The following SEMA6D variants were observed in gnomAD, a reference collection of about 807,000 sequenced individuals.
SEMA6D encodes the protein semaphorin-6D.
In SEMA6D, 35 loss-of-function variants were observed where a neutral mutation model predicts 106.6. The observed-to-expected ratio is 0.33, with a 90% CI of 0.25 to 0.44. The LOEUF (loss-of-function observed/expected upper bound fraction) is 0.44, where lower values mean the gene tolerates loss of function less well. SEMA6D is among the 20% of genes least tolerant of loss of function. The pLI is 1.00. For missense variants in SEMA6D, 1,185 were observed against 1,345.9 expected (o/e 0.88, Z 1.87); for synonymous variants, 499 against 487.7 (o/e 1.02, Z -0.31).
intron 1 of SEMA6D, among the ~76,000 whole-genome samples, chr15:47,376,521 AG>A (rs1384295018): frequency 3.9e-5 from 6 of 152,250 alleles, no homozygotes; most frequent in African/African-American, 1.4e-4. Flanking sequence ...TCAGCTTTCT[AG>A]CCGAGCACTA....
At chr15:47,659,993 TC>T (rs1311291615) in intron 4 of SEMA6D, among the ~76,000 whole-genome samples, 1 of 152,064 alleles carries the variant, frequency 6.6e-6, no homozygotes, top group Non-Finnish European at 1.5e-5. Flanking sequence ...TCATTGTCAA[TC>T]TTGCTATAAC....
At chr15:47,386,348 C>T (rs1314633097) in intron 1 of SEMA6D, among the ~76,000 whole-genome samples, 3 of 152,088 alleles carry the variant, frequency 2.0e-5, no homozygotes, top group African/African-American at 4.8e-5. Flanking sequence ...CAGAAGGAGA[C>T]ATCATAAGCT....
chr15:47,527,842 C>G (rs1397828596), intron 3 of SEMA6D: 8 of 152,108 alleles, frequency 5.3e-5, no homozygotes, highest in Non-Finnish European at 1.0e-4. Context: ...TCTATAACCC[C>G]CAGCAGGTCT....
chr15:47,608,075 A>G (rs1448941994), intron 4 of SEMA6D, among the ~76,000 whole-genome samples: 1 of 152,228 alleles, frequency 6.6e-6, no homozygotes, highest in East Asian at 1.9e-4. Context: ...GCTTACATGT[A>G]AACAAAGACT....
chr15:47,516,655 A>G (rs1291909255), intron 3 of SEMA6D, among the ~76,000 whole-genome samples: 1 of 152,136 alleles, frequency 6.6e-6, no homozygotes, highest in African/African-American at 2.4e-5. Context: ...GGGACACTGA[A>G]TTAATATGTA....
chr15:47,743,026 T>G (rs2080908551), intron 1 of SEMA6D, among the ~76,000 whole-genome samples: 1 of 152,228 alleles, frequency 6.6e-6, no homozygotes, highest in South Asian at 2.1e-4. Context: ...CTTTTTTCTC[T>G]ATGCCTCCCC....
intron 1 of SEMA6D, among the ~76,000 whole-genome samples, chr15:47,206,525 C>T (rs1895075618): frequency 6.6e-6 from 1 of 152,186 alleles, no homozygotes; most frequent in Non-Finnish European, 1.5e-5. Flanking sequence ...CAGCTTCCTT[C>T]CAGCCTCAGA....
At chr15:47,318,303 C>T (rs1276451781) in intron 1 of SEMA6D, among the ~76,000 whole-genome samples, 1 of 145,766 alleles carries the variant, frequency 6.9e-6, no homozygotes, top group African/African-American at 2.5e-5. Flanking sequence ...TTTTAGGGTA[C>T]ATGTGCACAA....
intron 1 of SEMA6D, among the ~76,000 whole-genome samples, chr15:47,233,219 G>T (rs1002081881): frequency 6.6e-6 from 1 of 151,902 alleles, no homozygotes; most frequent in Non-Finnish European, 1.5e-5. Flanking sequence ...CAATTAAGTG[G>T]TCTTGACATA....
chr15:47,369,049 A>G (rs566588691), intron 1 of SEMA6D, among the ~76,000 whole-genome samples: 5 of 152,294 alleles, frequency 3.3e-5, no homozygotes, highest in South Asian at 2.1e-4. Context: ...ATAACTACCT[A>G]TGGTTCCATG....
At chr15:47,203,569 A>C (rs947361270) in intron 1 of SEMA6D, among the ~76,000 whole-genome samples, 4 of 152,032 alleles carry the variant, frequency 2.6e-5, no homozygotes, top group African/African-American at 9.7e-5. Flanking sequence ...CCTCTTCCCT[A>C]TGAAGAGGTC....
intron 4 of SEMA6D, among the ~76,000 whole-genome samples, chr15:47,684,104 C>T (rs943292142): frequency 2.0e-5 from 3 of 152,162 alleles, no homozygotes; most frequent in African/African-American, 4.8e-5. Flanking sequence ...GCCCCATTTG[C>T]CTCTCCCTGA....
intron 1 of SEMA6D, among the ~76,000 whole-genome samples, chr15:47,332,310 A>G (rs1214941881): frequency 6.6e-6 from 1 of 152,212 alleles, no homozygotes; most frequent in East Asian, 1.9e-4. Flanking sequence ...AATTGAAGAA[A>G]TACTCAGGTT....
intron 1 of SEMA6D, chr15:47,396,349 A>C (rs2040214429): frequency 6.6e-6 from 1 of 152,264 alleles, no homozygotes; most frequent in South Asian, 2.0e-4. Flanking sequence ...GAATTGACTC[A>C]CATGATCACA....
intron 3 of SEMA6D, among the ~76,000 whole-genome samples, chr15:47,509,538 G>A (rs1429866257): frequency 1.3e-5 from 2 of 152,028 alleles, no homozygotes; most frequent in Non-Finnish European, 2.9e-5. Context: ...TGACATTGAA[G>A]GCTTCCAAAA....
At chr15:47,368,245 T>G (rs2039134121) in intron 1 of SEMA6D, among the ~76,000 whole-genome samples, 1 of 152,234 alleles carries the variant, frequency 6.6e-6, no homozygotes, top group Admixed American at 6.5e-5. Context: ...GGCAGCTGGA[T>G]GAGATGAAGG....
At chr15:47,287,899 C>T (rs1324268691) in intron 1 of SEMA6D, among the ~76,000 whole-genome samples, 1 of 152,066 alleles carries the variant, frequency 6.6e-6, no homozygotes, top group African/African-American at 2.4e-5. Context: ...GCCGGCATCT[C>T]CTTGGCTTCC....
intron 1 of SEMA6D, among the ~76,000 whole-genome samples, chr15:47,384,318 T>A (rs2039742850): frequency 6.6e-6 from 1 of 152,226 alleles, no homozygotes; most frequent in South Asian, 2.1e-4. Context: ...CACTAGGCAG[T>A]CTCATGTTGT....
intron 3 of SEMA6D, among the ~76,000 whole-genome samples, chr15:47,568,283 A>G (rs983746099): frequency 6.6e-6 from 1 of 152,068 alleles, no homozygotes; most frequent in Non-Finnish European, 1.5e-5. Context: ...AGTTATGGCT[A>G]TGATCATCTT....
Sources: allele counts gnomAD v4.1 joint callset (sites outside exome capture counted in the v4.1 genomes callset), GRCh38; gene constraint gnomAD v4.1.1; transcripts MANE v1.5; gene names NCBI Gene and HGNC (gene_info 2026-07-23, HGNC 2026-07-21).